KSR2: variants seen among roughly 807,000 people sequenced by gnomAD.
KSR2 encodes the protein kinase suppressor of ras 2.
A neutral mutation model predicts 107.8 loss-of-function variants in KSR2; 25 were observed. That is an observed-to-expected ratio of 0.23 (90% confidence interval 0.17 to 0.32). KSR2 has a LOEUF of 0.32. KSR2 is among the 10% of genes least tolerant of loss of function. The pLI is 1.00. For missense variants in KSR2, 887 were observed against 1,268.9 expected, an observed-to-expected ratio of 0.70 and a Z score of 4.57; for synonymous variants, 480 against 507.0, an observed-to-expected ratio of 0.95 and a Z score of 0.71.
chr12:117,623,315 T>C (rs192629180), intron 5 of KSR2, among the ~76,000 whole-genome samples: 1 of 152,314 alleles, frequency 6.6e-6, no homozygotes, highest in Non-Finnish European at 1.5e-5. Context: ...ATGTGACTTG[T>C]TGGTTTGCTG....
chr12:117,602,426 C>G (rs911320814), intron 5 of KSR2, among the ~76,000 whole-genome samples: 6 of 152,188 alleles, frequency 3.9e-5, no homozygotes, highest in Non-Finnish European at 7.3e-5. Context: ...CTGGAATTAC[C>G]AATCTGCTTC....
chr12:117,727,647 C>CA (rs1887487779), intron 4 of KSR2, among the ~76,000 whole-genome samples: 2 of 152,082 alleles, frequency 1.3e-5, no homozygotes, highest in Non-Finnish European at 2.9e-5. Context: ...CCATCAGAAG[C>CA]TGGGAGAGGC....
At chr12:117,528,159 C>T (rs1016521560) in intron 12 of KSR2, among the ~76,000 whole-genome samples, 2 of 151,924 alleles carry the variant, frequency 1.3e-5, no homozygotes, top group African/African-American at 4.8e-5. Flanking sequence ...GGTGTACACA[C>T]AGGATGTTGA....
chr12:117,954,786 C>T (rs1896458887), intron 1 of KSR2, among the ~76,000 whole-genome samples: 2 of 152,142 alleles, frequency 1.3e-5, no homozygotes, highest in African/African-American at 4.8e-5. Context: ...GAGGCCAAGG[C>T]GGGTGGATCA....
intron 4 of KSR2, among the ~76,000 whole-genome samples, chr12:117,717,115 T>A (rs1312183048): frequency 6.6e-6 from 1 of 152,342 alleles, no homozygotes; most frequent in East Asian, 1.9e-4. Flanking sequence ...TGTGATCCAC[T>A]CTCCCAGCCC....
At chr12:117,937,024 T>A (rs1895868169) in intron 1 of KSR2, among the ~76,000 whole-genome samples, 1 of 152,130 alleles carries the variant, frequency 6.6e-6, no homozygotes, top group Non-Finnish European at 1.5e-5. Flanking sequence ...CAGCCCACCC[T>A]CTCCCCTCTT....
intron 10 of KSR2, among the ~76,000 whole-genome samples, chr12:117,538,784 T>C (rs1394629747): frequency 6.6e-6 from 1 of 152,226 alleles, no homozygotes; most frequent in African/African-American, 2.4e-5. Context: ...GGCTAGCAGA[T>C]ACCATGTTGA....
chr12:117,861,329 G>A lies in KSR2; in HGVS notation c.181-898C>T, dbSNP rs17619316. ...ATTCATAAGGAAAATGTTTCCCTGT[G>A]TATATCTTTGTAAATACAGAAACTC... is the stretch of plus-strand genomic sequence containing the variant. On this transcript the variant is annotated intron_variant, in intron 1 of 19. Coordinates refer to ENST00000339824, the MANE Select transcript of KSR2 (RefSeq NM_173598.6). Among the ~76,000 whole-genome samples the A allele has an allele frequency of 0.011, 1,495 of 141,348 alleles. 53 individuals are homozygous for A. The East Asian group carries it at 0.13, about 12-fold the overall frequency. 92.7% of individuals were successfully genotyped at this position (141,348 alleles called of 152,430 possible).
At chr12:117,856,893 A>C (rs181091229) in intron 2 of KSR2, among the ~76,000 whole-genome samples, 1 of 152,276 alleles carries the variant, frequency 6.6e-6, no homozygotes, top group Non-Finnish European at 1.5e-5. Flanking sequence ...CAGTACAAAA[A>C]ATTATCTTCA....
intron 4 of KSR2, among the ~76,000 whole-genome samples, chr12:117,716,431 T>C (rs1358095621): frequency 1.3e-5 from 2 of 152,216 alleles, no homozygotes; most frequent in Admixed American, 6.5e-5. Context: ...GTACTCTAAG[T>C]ATACAATGCA....
At chr12:117,783,665 T>G (rs1504920) in intron 3 of KSR2, among the ~76,000 whole-genome samples, 87,198 of 152,092 alleles carry the variant, frequency 0.57, 26,681 homozygotes, top group African/African-American at 0.78. Context: ...AGCATGGCCA[T>G]TATGGCGGTG....
chr12:117,513,413 T>C (rs531363396), intron 14 of KSR2, among the ~76,000 whole-genome samples: 6 of 152,304 alleles, frequency 3.9e-5, no homozygotes, highest in African/African-American at 1.2e-4. Flanking sequence ...AGGTTGGGAA[T>C]ACATCAAACC....
chr12:117,849,162 A>G lies in KSR2; in HGVS notation c.472+6266T>C, dbSNP rs150238737. Among the ~76,000 whole-genome samples, 1,406 of 152,258 alleles carry G rather than the reference A, an allele frequency of 9.2e-3. 20 individuals carry two copies. Among genetic ancestry groups the G allele is most frequent in the African/African-American group, 0.033 (1,353 of 41,528 alleles). ...GGCTGCCCTAGCCACCTTATTTAAT[A>G]TGATGACCAGTCCCTCCATTCCAGA... is the stretch of plus-strand genomic sequence containing the variant. On this transcript the variant is annotated intron_variant, in intron 3 of 19. Transcript: ENST00000339824.
rs532394205 is a variant in KSR2 at position 117,476,477 on chromosome 12, C to T, written c.2569G>A (p.Val857Ile). The change falls in exon 17 of 20, where the codon GTC becomes ATC. Residue 857 changes from valine to isoleucine, a missense_variant. Physicochemically the swap from Val to Ile is conservative, Grantham distance 29. Transcript: ENST00000339824. ...DKLPFSKHSD[V>I]FALGTIWYEL... ...GGGCCCACTTACCCAAGGGCAAAGA[C>T]GTCAGAGTGCTTGGAGAAGGGGAGC... 2.9e-5 allele frequency: 47 copies of T among 1,601,990 alleles called. No homozygotes were observed. The highest frequency in any genetic ancestry group is 9.1e-5 in the South Asian group (8 of 88,290).
At chr12:117,644,543 C>T (rs1017818260) in intron 5 of KSR2, among the ~76,000 whole-genome samples, 51 of 152,194 alleles carry the variant, frequency 3.4e-4, no homozygotes, top group African/African-American at 1.2e-3. Context: ...TGTCATTGGA[C>T]CAGAGTGCAG....
intron 3 of KSR2, among the ~76,000 whole-genome samples, chr12:117,827,649 G>C (rs1891809112): frequency 6.6e-6 from 1 of 152,196 alleles, no homozygotes; most frequent in Non-Finnish European, 1.5e-5. Flanking sequence ...TATTGATATT[G>C]TGGATAATTT....
At chr12:117,644,079 G>T (rs1248527835) in intron 5 of KSR2, among the ~76,000 whole-genome samples, 1 of 152,162 alleles carries the variant, frequency 6.6e-6, no homozygotes, top group Admixed American at 6.6e-5. Context: ...GTTCTTGCCT[G>T]CCTGGCCACT....
intron 17 of KSR2, among the ~76,000 whole-genome samples, chr12:117,474,091 C>T (rs956155778): frequency 2.0e-5 from 3 of 152,252 alleles, no homozygotes; most frequent in Admixed American, 6.5e-5. Flanking sequence ...CCGGGTCCTT[C>T]GGAATTCAGC....
At chr12:117,545,706 A>G (rs1182887651) in intron 9 of KSR2, among the ~76,000 whole-genome samples, 1 of 151,826 alleles carries the variant, frequency 6.6e-6, no homozygotes, top group Non-Finnish European at 1.5e-5. Context: ...CTCATTTTTA[A>G]TTTCTGTTTT....
Sources: gnomAD v4.1 joint callset for allele counts (sites outside exome capture counted in the v4.1 genomes callset) on GRCh38, gnomAD v4.1.1 for gene constraint, MANE v1.5 for transcripts, NCBI Gene and HGNC (gene_info 2026-07-23, HGNC 2026-07-21) for gene names.